UST: variants seen among roughly 807,000 people sequenced by gnomAD.
The protein encoded by UST is uronyl 2-sulfotransferase, also known as chondroitin sulfate 2-O-sulfotransferase.
UST carries 21 observed loss-of-function variants against 45.6 expected under a neutral mutation model. That is an observed-to-expected ratio of 0.46 (90% CI 0.33 to 0.66). The LOEUF is 0.66. UST is among the 30% of genes least tolerant of loss of function. The pLI, the probability that UST is intolerant of heterozygous loss-of-function variation, is 0.02. For missense variants in UST, 463 were observed against 512.4 expected, an observed-to-expected ratio of 0.90 and a Z score of 0.93; for synonymous variants, 215 against 200.6, an observed-to-expected ratio of 1.07 and a Z score of -0.61.
chr6:148,770,357 G>T (rs1391518942), intron 1 of UST, among the ~76,000 whole-genome samples: 3 of 150,738 alleles, frequency 2.0e-5, no homozygotes, highest in Non-Finnish European at 4.4e-5. Context: ...AGAAAGAAGA[G>T]CACGTGCAAA....
chr6:148,786,032 G>C (rs1354959239), intron 1 of UST, among the ~76,000 whole-genome samples: 2 of 151,464 alleles, frequency 1.3e-5, no homozygotes, highest in African/African-American at 2.4e-5. Context: ...ATAGTATATA[G>C]TGCAATTGGA....
chr6:148,980,385 TA>T, intron 5 of UST, among the ~76,000 whole-genome samples: 1 of 152,210 alleles, frequency 6.6e-6, no homozygotes, highest in Non-Finnish European at 1.5e-5. Flanking sequence ...CCATACCTCC[TA>T]ACTGCTCTCC....
At chr6:149,046,817 C>A (rs770403900) in intron 7 of UST, among the ~76,000 whole-genome samples, 2 of 152,222 alleles carry the variant, frequency 1.3e-5, no homozygotes, top group Non-Finnish European at 2.9e-5. Flanking sequence ...GAGACCAACA[C>A]AATTGTTCCA....
chr6:149,030,447 G>A (rs1366317559), intron 7 of UST, among the ~76,000 whole-genome samples: 1 of 149,504 alleles, frequency 6.7e-6, no homozygotes, highest in Admixed American at 6.7e-5. Context: ...TTCAAGACCA[G>A]CCTGAGCAAC....
At chr6:149,004,671 G>T (rs1425755543) in intron 5 of UST, among the ~76,000 whole-genome samples, 1 of 152,164 alleles carries the variant, frequency 6.6e-6, no homozygotes, top group Non-Finnish European at 1.5e-5. Flanking sequence ...GATGAACCAG[G>T]AGTACTGAGC....
chr6:149,057,062 A>T (rs1305296963), intron 7 of UST, among the ~76,000 whole-genome samples: 2 of 152,150 alleles, frequency 1.3e-5, no homozygotes. Flanking sequence ...ATTGTGACTA[A>T]TATAATCTTA....
intron 1 of UST, 110 bp from the exon 2 acceptor site, chr6:148,886,876 T>C (rs1010365805): frequency 7.7e-6 from 7 of 907,742 alleles, no homozygotes; most frequent in Non-Finnish European, 1.3e-5. Context: ...TTGGTACTGT[T>C]GTCTGAGCAG....
Position 148,771,429 on chromosome 6 carries a change from A to G in UST, c.247+23752A>G, listed in dbSNP as rs376624017. Among the ~76,000 whole-genome samples the G allele has an allele frequency of 5.3e-5, 8 of 152,142 alleles. No homozygotes were observed. The East Asian group carries it at 1.3e-3, about 26-fold the overall frequency. On this transcript the variant is annotated intron_variant, in intron 1 of 7. Coordinates refer to ENST00000367463, the MANE Select transcript of UST (RefSeq NM_005715.3). ...CGCTTGTTGGATGACATCCAGCCCC[A>G]CCCTGTTCTGCCACCTGCTCTGGAG...
intron 1 of UST, among the ~76,000 whole-genome samples, chr6:148,778,120 G>C (rs1776569643): frequency 6.6e-6 from 1 of 152,090 alleles, no homozygotes; most frequent in South Asian, 2.1e-4. Flanking sequence ...CAACAAAATT[G>C]AAAAGTAAAA....
intron 5 of UST, among the ~76,000 whole-genome samples, chr6:149,008,277 T>C (rs1398866546): frequency 3.9e-5 from 6 of 152,216 alleles, no homozygotes; most frequent in African/African-American, 9.7e-5. Context: ...ATTTTGAAGT[T>C]ACAGGGATTT....
At chr6:149,010,565 G>T (rs1174409590) in intron 5 of UST, among the ~76,000 whole-genome samples, 2 of 151,982 alleles carry the variant, frequency 1.3e-5, no homozygotes, top group Non-Finnish European at 2.9e-5. Context: ...TACTAGATTG[G>T]TCTTCATCTT....
At chr6:148,985,995 A>G (rs946501803) in intron 5 of UST, among the ~76,000 whole-genome samples, 4 of 152,190 alleles carry the variant, frequency 2.6e-5, no homozygotes, top group African/African-American at 9.7e-5. Context: ...GGGAAGGACT[A>G]TTGGGTAAGG....
chr6:148,874,059 T>G (rs968133182), intron 1 of UST, among the ~76,000 whole-genome samples: 1 of 152,256 alleles, frequency 6.6e-6, no homozygotes, highest in Non-Finnish European at 1.5e-5. Context: ...CTGGGGCTGC[T>G]GCGTTAGCAG....
intron 4 of UST, among the ~76,000 whole-genome samples, chr6:148,958,247 A>G (rs1351738599): frequency 6.6e-6 from 1 of 152,100 alleles, no homozygotes; most frequent in Non-Finnish European, 1.5e-5. Context: ...AGTTAGAAGG[A>G]ACCATATCTA....
intron 5 of UST, among the ~76,000 whole-genome samples, chr6:148,984,031 G>A (rs753971633): frequency 2.6e-5 from 4 of 152,040 alleles, no homozygotes; most frequent in South Asian, 4.1e-4. Context: ...AAATAAACCC[G>A]GTGGGTCTGG....
chr6:148,932,004 TG>T (rs1219496336), intron 2 of UST, among the ~76,000 whole-genome samples: 3 of 152,242 alleles, frequency 2.0e-5, no homozygotes, highest in African/African-American at 7.2e-5. Context: ...GTGTGGCATG[TG>T]GATTTCATTT....
chr6:148,910,475 C>A (rs1267883913), intron 2 of UST, among the ~76,000 whole-genome samples: 1 of 152,116 alleles, frequency 6.6e-6, no homozygotes, highest in Admixed American at 6.5e-5. Flanking sequence ...TCCTTCAGAA[C>A]CCTGTTCAGG....
intron 1 of UST, among the ~76,000 whole-genome samples, chr6:148,825,002 C>A (rs938997065): frequency 1.3e-5 from 2 of 151,648 alleles, no homozygotes; most frequent in African/African-American, 4.9e-5. Context: ...CTACAAAGGA[C>A]ATGAACTCAT....
At chr6:149,072,936 CAG>C (rs1006656274) in intron 7 of UST, among the ~76,000 whole-genome samples, 1 of 152,134 alleles carries the variant, frequency 6.6e-6, no homozygotes, top group African/African-American at 2.4e-5. Context: ...ATTTTTAAAA[CAG>C]TGGTGATGGT....
Sources: gnomAD v4.1 joint callset for allele counts (sites outside exome capture counted in the v4.1 genomes callset) on GRCh38, gnomAD v4.1.1 for gene constraint, MANE v1.5 for transcripts, NCBI Gene and HGNC (gene_info 2026-07-23, HGNC 2026-07-21) for gene names.